DHRS7C: variants seen among roughly 807,000 people sequenced by gnomAD.
The protein encoded by DHRS7C is dehydrogenase/reductase 7C.
A neutral mutation model predicts 29.6 loss-of-function variants in DHRS7C; 28 were observed. That is an observed-to-expected ratio of 0.95 (90% CI 0.70 to 1.30). The LOEUF (loss-of-function observed/expected upper bound fraction) is 1.30. Ranked by LOEUF, DHRS7C falls within the 50% of genes most tolerant of loss-of-function variation. The probability of loss-of-function intolerance (pLI) is 0.00; values close to 1 mark genes in which losing one functional copy is unlikely to be tolerated. For synonymous variants in DHRS7C, 158 were observed against 160.2 expected, an observed-to-expected ratio of 0.99 and a Z score of 0.10; for missense variants, 403 against 393.3, an observed-to-expected ratio of 1.02 and a Z score of -0.21.
intron 4 of DHRS7C, among the ~76,000 whole-genome samples, chr17:9,773,284 C>T (rs1309578294): frequency 2.0e-5 from 3 of 151,902 alleles, no homozygotes; most frequent in African/African-American, 7.3e-5. Flanking sequence ...AACATGAATT[C>T]CCCTTCCTTC....
rs1177329439 is a variant in DHRS7C at position 9,783,396 on chromosome 17, G to C, written c.155-1802C>G. On this transcript the variant is annotated intron_variant, in intron 1 of 5. Transcript: ENST00000571134. Reference sequence around the variant, plus strand: ...TTTGTCTCCAAGTTAAATTGATCCAGTAAATCAGGATCCCAACGGGTCTTG... The same window carrying C: ...TTTGTCTCCAAGTTAAATTGATCCACTAAATCAGGATCCCAACGGGTCTTG... Among the ~76,000 whole-genome samples, 6 of 152,152 alleles carry C rather than the reference G, an allele frequency of 3.9e-5. No individual in the cohort carries two copies. The South Asian group carries it at 1.2e-3, about 32-fold the overall frequency.
intron 3 of DHRS7C, among the ~76,000 whole-genome samples, chr17:9,779,421 T>C (rs1020357406): frequency 7.2e-5 from 11 of 152,184 alleles, no homozygotes; most frequent in Non-Finnish European, 1.5e-4. Flanking sequence ...TCTTTACCTT[T>C]GACCAACTGT....
At chr17:9,776,908 G>T (rs1167026264) in intron 4 of DHRS7C, among the ~76,000 whole-genome samples, 1 of 152,138 alleles carries the variant, frequency 6.6e-6, no homozygotes, top group Non-Finnish European at 1.5e-5. Flanking sequence ...ACCTTCACCT[G>T]GCATTGTCAG....
At chr17:9,780,146 T>A (rs1209314731) in intron 2 of DHRS7C, 111 bp from the exon 3 acceptor site, 7 of 856,126 alleles carry the variant, frequency 8.2e-6, no homozygotes, top group African/African-American at 1.8e-5. Flanking sequence ...GATAATGAAA[T>A]GACTGAAAAA....
At position 9,771,633 on chromosome 17, in the gene DHRS7C, G is replaced by A. The variant is rs772508996; in HGVS notation, c.791C>T (p.Thr264Ile). Residue 264 changes from threonine to isoleucine, a missense_variant, in exon 6 of 6, where the codon ACC becomes ATC. Thr to Ile is a moderately conservative substitution (Grantham distance 89, BLOSUM62 -1). Transcript: ENST00000571134. ...CACCTCTTGCTTCTTCCTCCGCACG[G>A]TGCGCATCACCTCCTCCGCCACCTC... ...PVEVAEEVMRTVRRKKQEVFM... is the reference protein window; with the variant it reads ...PVEVAEEVMRIVRRKKQEVFM... 4.4e-6 allele frequency: 7 copies of A among 1,594,952 alleles called. No homozygotes were observed. Among genetic ancestry groups the A allele is most frequent in the Non-Finnish European group, 6.0e-6 (7 of 1,169,198 alleles).
chr17:9,781,090 C>T (rs971627464), intron 2 of DHRS7C, among the ~76,000 whole-genome samples: 16 of 152,118 alleles, frequency 1.1e-4, no homozygotes, highest in African/African-American at 3.9e-4. Flanking sequence ...GTGTTCACTT[C>T]CTGGGAGAGT....
In DHRS7C at chr17:9,772,867, C is replaced by T. The variant is rs905846679; in HGVS notation, c.627G>A (p.Val209=). The T allele has an allele frequency of 6.2e-7, 1 of 1,613,930 alleles. No homozygotes were observed. Among genetic ancestry groups the T allele is most frequent in the Non-Finnish European group, 8.5e-7 (1 of 1,179,890 alleles). ...TGCTGATGACAACATCGTATTCCTCCACTTCGGCTCGGAGGCAGTCAAAGA... is the reference window on the plus strand; with the variant it reads ...TGCTGATGACAACATCGTATTCCTCTACTTCGGCTCGGAGGCAGTCAAAGA... ...LGFFDCLRAE[V]EEYDVVISTV... is the part of the protein sequence containing the mutation. The change falls in exon 5 of 6, where the codon GTG becomes GTA. Residue 209 remains valine, a synonymous_variant. Transcript: ENST00000571134.
Position 9,780,012 on chromosome 17 carries a change from C to T in DHRS7C, c.291G>A (p.Leu97=), listed in dbSNP as rs1343275503. 6.2e-7 allele frequency: 1 copy of T among 1,613,828 alleles called. No homozygotes were observed. The highest frequency in any genetic ancestry group is 2.2e-5 in the East Asian group (1 of 44,880). The stretch of plus-strand genomic sequence containing the variant: ...CACAGCTGATGTCTGAGAGGTCCAA[C>T]AGGACCAGCTTTGGGGTGAATGTCT... ...PSKTFTPKLV[L]LDLSDISCVP... Residue 97 remains leucine, a synonymous_variant, in exon 3 of 6, where the codon CTG becomes CTA. Transcript: ENST00000571134.
intron 1 of DHRS7C, among the ~76,000 whole-genome samples, chr17:9,789,185 G>A (rs936722173): frequency 2.0e-5 from 3 of 152,138 alleles, no homozygotes; most frequent in Non-Finnish European, 2.9e-5. Context: ...AAACAGGATC[G>A]AATCCACATT....
At chr17:9,779,099 G>A (rs112277169) in intron 3 of DHRS7C, among the ~76,000 whole-genome samples, 1,958 of 152,052 alleles carry the variant, frequency 0.013, 20 homozygotes, top group Non-Finnish European at 0.022. Context: ...TAGTAGAGAC[G>A]GGGTTTCACC....
At chr17:9,772,660 C>G in intron 5 of DHRS7C, 107 bp downstream of exon 5, 1 of 1,418,064 alleles carries the variant, frequency 7.1e-7, no homozygotes, top group Non-Finnish European at 9.4e-7. Context: ...ACCCCCATCC[C>G]CAGACTCATG....
At chr17:9,780,137 A>T in intron 2 of DHRS7C, 102 bp from the exon 3 acceptor site, 2 of 971,750 alleles carry the variant, frequency 2.1e-6, no homozygotes, top group Non-Finnish European at 3.0e-6. Context: ...AAATTCAAAG[A>T]TAATGAAATG....
intron 4 of DHRS7C, 34 bp downstream of exon 4, chr17:9,777,159 C>T (rs1257424866): frequency 1.9e-6 from 3 of 1,568,544 alleles, no homozygotes; most frequent in Non-Finnish European, 2.6e-6. Context: ...AGACATACAA[C>T]AGAAGATATC....
intron 1 of DHRS7C, among the ~76,000 whole-genome samples, chr17:9,787,932 A>T (rs1403015341): frequency 6.6e-6 from 1 of 152,116 alleles, no homozygotes; most frequent in East Asian, 1.9e-4. Flanking sequence ...GCTGGTCTCG[A>T]ACTCCTGAGT....
chr17:9,773,052 C>T, intron 4 of DHRS7C, 130 bp from the exon 5 acceptor site: 1 of 1,132,082 alleles, frequency 8.8e-7, no homozygotes, highest in East Asian at 2.6e-5. Flanking sequence ...CCTCAAGAAT[C>T]TGCCCCTCAC....
intron 1 of DHRS7C, among the ~76,000 whole-genome samples, chr17:9,787,900 G>C (rs1442692054): frequency 6.6e-6 from 1 of 152,050 alleles, no homozygotes; most frequent in Non-Finnish European, 1.5e-5. Flanking sequence ...TAGATATGCG[G>C]GGGTCTTACT....
intron 1 of DHRS7C, among the ~76,000 whole-genome samples, chr17:9,788,085 G>T (rs2066434213): frequency 6.6e-6 from 1 of 152,156 alleles, no homozygotes; most frequent in Non-Finnish European, 1.5e-5. Context: ...AATGTTTAAA[G>T]GACAGAAACT....
At chr17:9,771,739 G>T in intron 5 of DHRS7C, 43 bp from the exon 6 acceptor site, 1 of 1,370,898 alleles carries the variant, frequency 7.3e-7, no homozygotes, top group Non-Finnish European at 9.5e-7. Flanking sequence ...ACCTCCGTGG[G>T]GACCCGGCTG....
In DHRS7C at chr17:9,774,155, A is replaced by G. The variant is rs2066347977; in HGVS notation, c.572-1233T>C. 2.0e-5 allele frequency among the ~76,000 whole-genome samples: 3 copies of G among 152,380 alleles called. No homozygotes were observed. In the South Asian group the frequency reaches 6.2e-4, roughly 32 times the overall value. On this transcript the variant is annotated intron_variant, in intron 4 of 5. Transcript: ENST00000571134. This position sits in a 1 kb window ranked among gnomAD's most constrained non-coding sequence, Gnocchi z 5.0. ...TCCTTGATTCCTTCAGTCATTCAAC[A>G]GTGAAGTCCCTGCTCTGGTGGGTGA...
Sources: allele counts gnomAD v4.1 joint callset (sites outside exome capture counted in the v4.1 genomes callset), GRCh38; gene constraint gnomAD v4.1.1; non-coding constraint Gnocchi (gnomAD v3.1); transcripts MANE v1.5; gene names NCBI Gene and HGNC (gene_info 2026-07-23, HGNC 2026-07-21).